Variants in ZNF69 observed in about 807,000 individuals in gnomAD.
ZNF69 encodes ZNF3.
In ZNF69, 47 loss-of-function variants were observed where a neutral mutation model predicts 50.9. The ratio of observed to expected loss-of-function variants is 0.92; its 90% CI spans 0.73 to 1.18. The LOEUF (loss-of-function observed/expected upper bound fraction) is 1.18. Among genes scored for constraint, ZNF69 ranks in the 50% most tolerant of loss-of-function variants. The pLI, the probability that ZNF69 is intolerant of heterozygous loss-of-function variation, is 0.00. For missense variants in ZNF69, 717 were observed against 675.1 expected (o/e 1.06, Z -0.69); for synonymous variants, 216 against 223.1 (o/e 0.97, Z 0.29).
chr19:11,913,393 C>CTTTT, intron 4 of ZNF69: 7 of 505,038 alleles, frequency 1.4e-5, no homozygotes, highest in Non-Finnish European at 1.8e-5. Flanking sequence ...TTTTTCTTAT[C>CTTTT]TTTTTTTTTT....
the ZNF69 span, chr19:11,950,453 A>C: frequency 1.4e-6 from 1 of 717,850 alleles, no homozygotes. Flanking sequence ...GAAAGGACTC[A>C]CACGGGAGAG....
the ZNF69 span, among the ~76,000 whole-genome samples, chr19:11,940,864 A>C: frequency 6.6e-6 from 1 of 151,988 alleles, no homozygotes; most frequent in African/African-American, 2.4e-5. Flanking sequence ...GAGTGTTGAC[A>C]TAAAGGTTCT....
chr19:11,949,647 T>C, the ZNF69 span: 2 of 1,613,528 alleles, frequency 1.2e-6, no homozygotes, highest in East Asian at 2.2e-5. Flanking sequence ...GCAACCAATG[T>C]GGTAAAGCCT....
At chr19:11,933,973 G>A in the ZNF69 span, among the ~76,000 whole-genome samples, 113 of 147,782 alleles carry the variant, frequency 7.6e-4, 4 homozygotes, top group Non-Finnish European at 1.4e-3. Flanking sequence ...ATCATGTCCG[G>A]CCACTCATTT....
At chr19:11,970,532 A>T in the ZNF69 span, among the ~76,000 whole-genome samples, 4 of 152,248 alleles carry the variant, frequency 2.6e-5, no homozygotes. Flanking sequence ...GGAGATGATG[A>T]GTAGTAGATT....
downstream of ZNF69, among the ~76,000 whole-genome samples, chr19:11,915,408 G>T (rs1972513547): frequency 6.6e-6 from 1 of 152,226 alleles, no homozygotes; most frequent in African/African-American, 2.4e-5. Context: ...CAGGCTGAGG[G>T]TGATGAACAG....
the ZNF69 span, chr19:11,979,939 A>G: frequency 7.7e-7 from 1 of 1,303,588 alleles, no homozygotes; most frequent in Non-Finnish European, 1.1e-6. Context: ...CTGCCAAGTC[A>G]TTTCAAATAC....
At chr19:11,949,883 A>G in the ZNF69 span, 174 of 1,614,176 alleles carry the variant, frequency 1.1e-4, 1 homozygote, top group Middle Eastern at 1.5e-3. Flanking sequence ...GAGAAACCCT[A>G]TGAGTGTAAG....
chr19:11,919,847 GA>G, the ZNF69 span, among the ~76,000 whole-genome samples: 1 of 152,052 alleles, frequency 6.6e-6, no homozygotes, highest in East Asian at 1.9e-4. Flanking sequence ...AGAACTGTGA[GA>G]AAAAAATTCT....
chr19:11,937,550 G>A, the ZNF69 span, among the ~76,000 whole-genome samples: 2 of 147,450 alleles, frequency 1.4e-5, no homozygotes, highest in Non-Finnish European at 3.0e-5. Flanking sequence ...GTGCAGTGGC[G>A]CCATCTCGGC....
At chr19:11,944,776 T>C in the ZNF69 span, among the ~76,000 whole-genome samples, 1 of 152,356 alleles carries the variant, frequency 6.6e-6, no homozygotes, top group Middle Eastern at 3.4e-3. Flanking sequence ...CATTGTGTTG[T>C]TGGCAGGTAA....
chr19:11,947,086 G>A, the ZNF69 span: 117 of 1,521,268 alleles, frequency 7.7e-5, no homozygotes, highest in Non-Finnish European at 1.0e-4. Context: ...AATGTTTGGA[G>A]TCCACAGCAT....
the ZNF69 span, among the ~76,000 whole-genome samples, chr19:11,925,821 G>T: frequency 6.6e-6 from 1 of 152,140 alleles, no homozygotes; most frequent in African/African-American, 2.4e-5. Context: ...GAATAGGAGA[G>T]ACCTTGGCCG....
the ZNF69 span, chr19:11,947,715 T>C: frequency 5.6e-6 from 5 of 889,874 alleles, no homozygotes; most frequent in Non-Finnish European, 8.6e-6. Flanking sequence ...AAAACATATA[T>C]TTAAACGTGA....
At chr19:11,901,423 G>A (rs567768021) in intron 1 of ZNF69, among the ~76,000 whole-genome samples, 5 of 152,142 alleles carry the variant, frequency 3.3e-5, no homozygotes, top group Non-Finnish European at 7.3e-5. Flanking sequence ...TCCAAAAAGG[G>A]AACACTAGGC....
At chr19:11,951,845 T>A in the ZNF69 span, among the ~76,000 whole-genome samples, 1 of 152,254 alleles carries the variant, frequency 6.6e-6, no homozygotes, top group Non-Finnish European at 1.5e-5. Flanking sequence ...TCGTCTCATA[T>A]GCCCGGTATG....
the ZNF69 span, among the ~76,000 whole-genome samples, chr19:11,976,360 G>A: frequency 2.0e-5 from 3 of 151,714 alleles, no homozygotes; most frequent in South Asian, 6.2e-4. Context: ...CCAACCCACT[G>A]TGGCTTTACC....
At chr19:11,950,190 C>G in the ZNF69 span, 1 of 1,613,556 alleles carries the variant, frequency 6.2e-7, no homozygotes, top group South Asian at 1.1e-5. Flanking sequence ...TGCATATACA[C>G]GCAAGGACTC....
the ZNF69 span, among the ~76,000 whole-genome samples, chr19:11,941,024 A>G: frequency 6.6e-6 from 1 of 152,104 alleles, no homozygotes; most frequent in African/African-American, 2.4e-5. Context: ...TGAGCTAGAC[A>G]TAAAGGTTCT....
Sources: allele counts gnomAD v4.1 joint callset (sites outside exome capture counted in the v4.1 genomes callset), GRCh38; gene constraint gnomAD v4.1.1; transcripts MANE v1.5; gene names NCBI Gene and HGNC (gene_info 2026-07-23, HGNC 2026-07-21).